Variants in CDH12 observed in about 807,000 individuals in gnomAD.
The protein encoded by CDH12 is cadherin 12.
CDH12 carries 41 observed loss-of-function variants against 74.1 expected under a neutral mutation model. The ratio of observed to expected loss-of-function variants is 0.55; its 90% CI spans 0.43 to 0.72. The LOEUF (loss-of-function observed/expected upper bound fraction) is 0.72. CDH12 is among the 30% of genes least tolerant of loss of function. The probability of loss-of-function intolerance (pLI) is 0.00; values close to 1 mark genes in which losing one functional copy is unlikely to be tolerated. For missense variants in CDH12, 945 were observed against 977.2 expected (o/e 0.97, Z 0.44); for synonymous variants, 399 against 355.0 (o/e 1.12, Z -1.39).
intron 11 of CDH12, among the ~76,000 whole-genome samples, chr5:21,773,671 G>A (rs1745444113): frequency 6.6e-6 from 1 of 152,054 alleles, no homozygotes; most frequent in African/African-American, 2.4e-5. Flanking sequence ...TTCACCTTGT[G>A]ATCCTGTGAA....
intron 9 of CDH12, among the ~76,000 whole-genome samples, chr5:21,809,180 A>G (rs533409989): frequency 9.8e-4 from 149 of 152,250 alleles, no homozygotes; most frequent in African/African-American, 3.4e-3. Context: ...GTTTTAACAA[A>G]TTATCTTAAG....
intron 1 of CDH12, among the ~76,000 whole-genome samples, chr5:22,511,714 C>T (rs934107335): frequency 5.3e-5 from 8 of 152,070 alleles, no homozygotes; most frequent in African/African-American, 1.2e-4. Flanking sequence ...TAACCTGGAC[C>T]GCAGGAATTC....
chr5:22,524,063 C>T (rs1242620318), intron 1 of CDH12, among the ~76,000 whole-genome samples: 5 of 151,276 alleles, frequency 3.3e-5, no homozygotes, highest in African/African-American at 1.2e-4. Context: ...CTCACTGCAG[C>T]CTTGACCTCC....
intron 1 of CDH12, among the ~76,000 whole-genome samples, chr5:22,836,910 A>G (rs79854411): frequency 0.054 from 8,179 of 152,242 alleles, 331 homozygotes; most frequent in South Asian, 0.18. Flanking sequence ...CTTCATGCCA[A>G]TGGAACTATC....
chr5:21,801,187 A>G (rs1747092499), intron 10 of CDH12, among the ~76,000 whole-genome samples: 1 of 152,206 alleles, frequency 6.6e-6, no homozygotes, highest in South Asian at 2.1e-4. Context: ...TGTGTTAAGG[A>G]TACTACTGAA....
intron 7 of CDH12, among the ~76,000 whole-genome samples, chr5:21,849,201 A>C (rs535293106): frequency 6.6e-6 from 1 of 151,976 alleles, no homozygotes; most frequent in African/African-American, 2.4e-5. Flanking sequence ...GCAGCACAGA[A>C]TACATCTAGT....
intron 1 of CDH12, among the ~76,000 whole-genome samples, chr5:22,801,782 T>C (rs183558442): frequency 6.6e-6 from 1 of 150,752 alleles, no homozygotes; most frequent in Non-Finnish European, 1.5e-5. Context: ...TTTGTTTCTG[T>C]CCTGTATTTA....
At chr5:22,313,689 G>A (rs965847891) in intron 3 of CDH12, among the ~76,000 whole-genome samples, 1 of 152,184 alleles carries the variant, frequency 6.6e-6, no homozygotes, top group Admixed American at 6.5e-5. Flanking sequence ...AACTGGGATG[G>A]AACTGGTGGC....
At chr5:22,083,152 A>T (rs918714283) in intron 4 of CDH12, among the ~76,000 whole-genome samples, 1 of 152,218 alleles carries the variant, frequency 6.6e-6, no homozygotes, top group African/African-American at 2.4e-5. Flanking sequence ...TGCATATCAC[A>T]CTTAGCAGAA....
rs115678569 is a variant in CDH12, at chr5:22,217,805, A to C, written c.-332-5162T>G. On this transcript the variant is annotated intron_variant, in intron 3 of 14. Coordinates refer to ENST00000382254, the MANE Select transcript of CDH12 (RefSeq NM_004061.5). ...ATGAATAATATTGCTCAATAGAAAA[A>C]AAATGTTTATTTCCTTACTGAGTAG... 7.8e-3 allele frequency among the ~76,000 whole-genome samples: 1,185 copies of C among 151,840 alleles called. 18 individuals carry two copies. The highest frequency in any genetic ancestry group is 0.027 in the African/African-American group (1,130 of 41,518).
chr5:22,053,766 C>T (rs138573992), intron 5 of CDH12, among the ~76,000 whole-genome samples: 103 of 152,166 alleles, frequency 6.8e-4, no homozygotes, highest in African/African-American at 2.2e-3. Flanking sequence ...CGTTAGAGCT[C>T]GCCTCTTACA....
At chr5:22,599,713 G>T (rs1204532526) in intron 1 of CDH12, among the ~76,000 whole-genome samples, 2 of 152,010 alleles carry the variant, frequency 1.3e-5, no homozygotes, top group African/African-American at 4.8e-5. Flanking sequence ...CAAGGTGAAC[G>T]TTAGTTTATT....
intron 6 of CDH12, among the ~76,000 whole-genome samples, chr5:21,971,730 C>A (rs1248618447): frequency 2.0e-5 from 3 of 152,106 alleles, no homozygotes; most frequent in Non-Finnish European, 4.4e-5. Flanking sequence ...CTCTAGTGAT[C>A]TTAAAGAATT....
chr5:22,536,354 A>G (rs903704232), intron 1 of CDH12, among the ~76,000 whole-genome samples: 1 of 152,106 alleles, frequency 6.6e-6, no homozygotes, highest in Admixed American at 6.5e-5. Context: ...ACAGGTTAAA[A>G]GAATGATGAA....
chr5:21,924,169 C>T (rs1458424998), intron 6 of CDH12, among the ~76,000 whole-genome samples: 2 of 152,056 alleles, frequency 1.3e-5, no homozygotes, highest in Admixed American at 1.3e-4. Flanking sequence ...ACTTTTTTCC[C>T]TGTTGAATTG....
At chr5:21,834,857 T>C (rs1242500900) in intron 8 of CDH12, among the ~76,000 whole-genome samples, 1 of 151,994 alleles carries the variant, frequency 6.6e-6, no homozygotes, top group Non-Finnish European at 1.5e-5. Flanking sequence ...GAAGTAGTTA[T>C]CCTCATTTAA....
In CDH12 at chr5:22,486,961, G is replaced by A. The variant is rs79471784; in HGVS notation, c.-428+18309C>T. Among the ~76,000 whole-genome samples, 34 of 152,242 alleles carry A rather than the reference G, an allele frequency of 2.2e-4. No homozygotes were observed. The East Asian group carries it at 6.2e-3, about 28-fold the overall frequency. On this transcript the variant is annotated intron_variant, in intron 2 of 14. Transcript: ENST00000382254. ...CTTCTGGCCTAACTTAGGGGTCAGAGAGCGCCATGTCTGGGGGCAAACCAT... is the reference window on the plus strand; with the variant it reads ...CTTCTGGCCTAACTTAGGGGTCAGAAAGCGCCATGTCTGGGGGCAAACCAT...
chr5:22,849,654 TC>T (rs1737459450), intron 1 of CDH12, among the ~76,000 whole-genome samples: 1 of 152,096 alleles, frequency 6.6e-6, no homozygotes, highest in Admixed American at 6.6e-5. Flanking sequence ...AATACGTAAG[TC>T]CTGTATTTCC....
At chr5:22,576,755 G>T (rs548463314) in intron 1 of CDH12, among the ~76,000 whole-genome samples, 1 of 152,122 alleles carries the variant, frequency 6.6e-6, no homozygotes, top group Non-Finnish European at 1.5e-5. Context: ...GTTCAGTGGG[G>T]AGAGAATTGA....
Sources: gnomAD v4.1 joint callset for allele counts (sites outside exome capture counted in the v4.1 genomes callset) on GRCh38, gnomAD v4.1.1 for gene constraint, MANE v1.5 for transcripts, NCBI Gene and HGNC (gene_info 2026-07-23, HGNC 2026-07-21) for gene names.